Variants in ZPBP observed in about 807,000 individuals in gnomAD.
The protein encoded by ZPBP is zona pellucida binding protein.
In ZPBP, 26 loss-of-function variants were observed where a neutral mutation model predicts 44.8. That is an observed-to-expected ratio of 0.58 (90% CI 0.43 to 0.81). The LOEUF (loss-of-function observed/expected upper bound fraction) is 0.81, where lower values mean the gene tolerates loss of function less well. ZPBP is among the 30% of genes least tolerant of loss of function. The pLI is 0.00. For missense variants in ZPBP, 409 were observed against 434.0 expected (o/e 0.94, Z 0.51); for synonymous variants, 174 against 153.2 (o/e 1.14, Z -1.00).
intron 5 of ZPBP, among the ~76,000 whole-genome samples, chr7:50,028,101 T>G (rs199967973): frequency 8.0e-6 from 1 of 124,316 alleles, no homozygotes; most frequent in South Asian, 2.5e-4. Context: ...GAAAATTATA[T>G]GATTACAGGC....
Position 49,911,929 on chromosome 7 carries a change from A to ACACACG in ZPBP, n.412-10715_412-10714insCGTGTG, listed in dbSNP as rs1162866945. On this transcript the variant is annotated intron_variant and non_coding_transcript_variant, in intron 1 of 2. Transcript: ENST00000465922. ...AACAAACAAACAAATACACGCACAC[A>ACACACG]CACACACACACACACACATATATAT... is the stretch of plus-strand genomic sequence containing the variant. The ACACACG allele has an allele frequency of 3.7e-4, 286 of 775,358 alleles. 3 individuals carry two copies. In the African/African-American group the frequency reaches 4.9e-3, roughly 13 times the overall value. 48.0% of individuals were successfully genotyped at this position (775,358 alleles called of 1,614,324 possible).
intron 1 of ZPBP, among the ~76,000 whole-genome samples, chr7:49,926,350 C>T (rs1794233071): frequency 6.6e-6 from 1 of 152,232 alleles, no homozygotes; most frequent in South Asian, 2.1e-4. Flanking sequence ...TCTTCTACTA[C>T]CTGCAGCTTA....
At chr7:49,882,660 T>A (rs1235179469) in intron 2 of ZPBP, among the ~76,000 whole-genome samples, 1 of 152,022 alleles carries the variant, frequency 6.6e-6, no homozygotes, top group Non-Finnish European at 1.5e-5. Context: ...CTACGTCTCA[T>A]CCCTGGTGAG....
At chr7:49,979,573 A>C (rs531303981) in intron 7 of ZPBP, among the ~76,000 whole-genome samples, 1 of 151,680 alleles carries the variant, frequency 6.6e-6, no homozygotes, top group Non-Finnish European at 1.5e-5. Context: ...GTTTTTAAAT[A>C]CAAAAAAAAT....
intron 6 of ZPBP, among the ~76,000 whole-genome samples, chr7:49,992,184 T>C (rs902264121): frequency 8.5e-5 from 13 of 152,050 alleles, no homozygotes; most frequent in African/African-American, 3.1e-4. Context: ...TACTTACTGA[T>C]AAAGGTCTAA....
At chr7:49,896,448 C>T (rs1459254865) in intron 2 of ZPBP, among the ~76,000 whole-genome samples, 3 of 151,966 alleles carry the variant, frequency 2.0e-5, no homozygotes, top group African/African-American at 2.4e-5. Flanking sequence ...GAAAAAAATT[C>T]CTAAATCAAT....
chr7:49,875,704 G>A (rs886218076), intron 2 of ZPBP, among the ~76,000 whole-genome samples: 3 of 152,112 alleles, frequency 2.0e-5, no homozygotes, highest in African/African-American at 4.8e-5. Context: ...TAATAACAGT[G>A]TCTGATGGAG....
At chr7:50,049,507 TA>T (rs1800575814) in intron 4 of ZPBP, among the ~76,000 whole-genome samples, 1 of 151,834 alleles carries the variant, frequency 6.6e-6, no homozygotes, top group African/African-American at 2.4e-5. Context: ...GGTTAATATT[TA>T]AAAAATCAAT....
At chr7:50,010,575 C>T (rs532757488) in intron 6 of ZPBP, among the ~76,000 whole-genome samples, 47 of 152,108 alleles carry the variant, frequency 3.1e-4, no homozygotes, top group Non-Finnish European at 6.0e-4. Context: ...AACTGAGAAT[C>T]AAATCACGGA....
chr7:50,023,066 A>G (rs1243882102), intron 5 of ZPBP, among the ~76,000 whole-genome samples: 1 of 152,046 alleles, frequency 6.6e-6, no homozygotes, highest in Non-Finnish European at 1.5e-5. Context: ...CCAAAGTACA[A>G]CAGGAGCATC....
intron 6 of ZPBP, among the ~76,000 whole-genome samples, chr7:49,985,657 A>AAC (rs1797238544): frequency 9.7e-6 from 1 of 103,218 alleles, no homozygotes. Flanking sequence ...AAAAAAAAAA[A>AAC]AAACCTAAAT....
chr7:49,848,130 G>C (rs1223925443), downstream of ZPBP, among the ~76,000 whole-genome samples: 1 of 152,188 alleles, frequency 6.6e-6, no homozygotes, highest in African/African-American at 2.4e-5. Flanking sequence ...TTTGTGAGTG[G>C]GATGCCCTGT....
At chr7:50,016,395 C>T (rs1798822593) in intron 6 of ZPBP, among the ~76,000 whole-genome samples, 1 of 151,978 alleles carries the variant, frequency 6.6e-6, no homozygotes, top group African/African-American at 2.4e-5. Flanking sequence ...ACAACAGACA[C>T]CAGAGCTTAC....
intron 1 of ZPBP, chr7:49,921,996 A>G (rs1794039770): frequency 6.6e-6 from 1 of 152,176 alleles, no homozygotes; most frequent in Non-Finnish European, 1.5e-5. Context: ...ATCCTTTGAA[A>G]TATTTTAGCT....
chr7:49,856,964 C>G (rs370540103), intron 2 of ZPBP, among the ~76,000 whole-genome samples: 10 of 124,528 alleles, frequency 8.0e-5, no homozygotes, highest in Admixed American at 2.1e-4. Context: ...GAGCTGAGAT[C>G]GGGCCACTGC....
intron 2 of ZPBP, among the ~76,000 whole-genome samples, chr7:49,863,724 C>A (rs779512147): frequency 2.0e-5 from 3 of 152,186 alleles, no homozygotes; most frequent in Non-Finnish European, 4.4e-5. Context: ...AGCCACTGCA[C>A]CTGGTCTGCT....
intron 6 of ZPBP, among the ~76,000 whole-genome samples, chr7:49,993,271 A>C (rs1417057465): frequency 6.6e-6 from 1 of 152,136 alleles, no homozygotes; most frequent in African/African-American, 2.4e-5. Flanking sequence ...CATGTAAATA[A>C]TAAAGAAACT....
At chr7:49,976,850 C>A (rs1432159760) in intron 7 of ZPBP, among the ~76,000 whole-genome samples, 1 of 152,026 alleles carries the variant, frequency 6.6e-6, no homozygotes, top group African/African-American at 2.4e-5. Flanking sequence ...CACTTGTAAT[C>A]CCAGCACTCT....
At chr7:49,962,886 G>GA (rs139967081) in intron 7 of ZPBP, among the ~76,000 whole-genome samples, 1,799 of 151,622 alleles carry the variant, frequency 0.012, 27 homozygotes, top group South Asian at 0.022. Context: ...GGAACATTAA[G>GA]AAAAAATTTG....
Sources: allele counts gnomAD v4.1 joint callset (sites outside exome capture counted in the v4.1 genomes callset), GRCh38; gene constraint gnomAD v4.1.1; transcripts MANE v1.5; gene names NCBI Gene and HGNC (gene_info 2026-07-23, HGNC 2026-07-21).